Variants in MYO9B observed in about 807,000 individuals in gnomAD.
MYO9B encodes unconventional myosin-IXb.
In MYO9B, 71 loss-of-function variants were observed where a neutral mutation model predicts 229.5. The ratio of observed to expected loss-of-function variants is 0.31; its 90% CI spans 0.26 to 0.38. The LOEUF is 0.38. Among genes scored for constraint, MYO9B ranks in the 10% least tolerant of loss-of-function variants. The probability of loss-of-function intolerance (pLI) is 1.00; values close to 1 mark genes in which losing one functional copy is unlikely to be tolerated. For missense variants in MYO9B, 2,255 were observed against 2,920.5 expected (o/e 0.77, Z 5.25); for synonymous variants, 1,185 against 1,235.8 (o/e 0.96, Z 0.86).
chr19:17,108,578 G>A (rs2057815653), intron 2 of MYO9B, among the ~76,000 whole-genome samples: 1 of 150,608 alleles, frequency 6.6e-6, no homozygotes, highest in Admixed American at 6.6e-5. Flanking sequence ...GTTGTCCCCT[G>A]GGGACAAATC....
chr19:17,098,468 G>A (rs925590759), intron 1 of MYO9B, among the ~76,000 whole-genome samples: 3 of 152,078 alleles, frequency 2.0e-5, no homozygotes, highest in African/African-American at 7.2e-5. Flanking sequence ...CTACACTCAC[G>A]TCTGTTTGCA....
chr19:17,177,209 G>C (rs946000814), intron 14 of MYO9B, among the ~76,000 whole-genome samples: 6 of 151,448 alleles, frequency 4.0e-5, no homozygotes, highest in African/African-American at 9.7e-5. Context: ...TCAAAAAAAA[G>C]TTTTTGGAAT....
At chr19:17,114,670 G>A (rs1047746552) in intron 2 of MYO9B, among the ~76,000 whole-genome samples, 6 of 152,092 alleles carry the variant, frequency 3.9e-5, no homozygotes, top group African/African-American at 7.2e-5. Context: ...GAGGTTTGCC[G>A]GTTTTCTGAT....
rs2305766 is a variant in MYO9B, at chr19:17,200,633, C to G, written c.4373-6C>G. The G allele has an allele frequency of 0.41, 652,740 of 1,607,562 alleles. 140,873 individuals carry two copies. Among genetic ancestry groups the G allele is most frequent in the East Asian group, 0.75 (33,649 of 44,630 alleles). On this transcript the variant is annotated splice_region_variant and splice_polypyrimidine_tract_variant and intron_variant, in intron 25 of 39. Transcript: ENST00000682292. ...CCCTCACCGGCTGCTTCCTGTCCCC[C>G]CTCAGCCCCCTCCGGACAGCAGCAT...
intron 2 of MYO9B, among the ~76,000 whole-genome samples, chr19:17,102,906 CA>C (rs55723401): frequency 0.16 from 21,103 of 134,460 alleles, 1,742 homozygotes; most frequent in Non-Finnish European, 0.22. Flanking sequence ...GACTCCATCT[CA>C]AAAAAAAAAA....
At position 17,156,817 on chromosome 19, in the gene MYO9B, T is replaced by C. The variant is rs533930887; in HGVS notation, c.1200-92T>C. 3.5e-6 allele frequency: 5 copies of C among 1,435,872 alleles called. No homozygotes were observed. The East Asian group carries it at 7.1e-5, about 20-fold the overall frequency. The allele number at this position is 1,435,872 out of a possible 1,614,324, so 88.9% of individuals were successfully genotyped here. ...TTCATGCGTTCCGACCAGAATTTGC[T>C]GGTTTTATGGATTCAGCCCGGTTCC... On this transcript the variant is annotated intron_variant, in intron 6 of 39. Transcript: ENST00000682292.
In MYO9B at chr19:17,117,502, G is replaced by A. The variant is rs1264249985; in HGVS notation, c.840+14945G>A. Among the ~76,000 whole-genome samples the A allele has an allele frequency of 3.9e-5, 6 of 152,142 alleles. No homozygotes were observed. The East Asian group carries it at 1.2e-3, about 29-fold the overall frequency. ...CGACACGTGGTTCCTCCTGGTAAAA[G>A]AAAGAAAGGGATGACTTAGCAGTGG... On this transcript the variant is annotated intron_variant, in intron 2 of 39. Coordinates refer to ENST00000682292, the MANE Select transcript of MYO9B (RefSeq NM_004145.4).
chr19:17,163,282 C>T (rs1412934142), intron 10 of MYO9B, among the ~76,000 whole-genome samples, 160 bp downstream of exon 10: 1 of 151,828 alleles, frequency 6.6e-6, no homozygotes, highest in East Asian at 1.9e-4. Context: ...ATCTCCAGAA[C>T]TCTTTCATTT....
chr19:17,173,011 G>T, intron 13 of MYO9B, 48 bp downstream of exon 13: 1 of 1,577,962 alleles, frequency 6.3e-7, no homozygotes. Context: ...TCGAGAGGGG[G>T]GCACATCCTG....
intron 2 of MYO9B, among the ~76,000 whole-genome samples, chr19:17,113,131 T>C (rs1370154498): frequency 6.6e-6 from 1 of 152,070 alleles, no homozygotes; most frequent in East Asian, 1.9e-4. Flanking sequence ...CTGGCTTGAG[T>C]TGTGTCTATG....
At chr19:17,140,091 T>C (rs1185662814) in intron 2 of MYO9B, among the ~76,000 whole-genome samples, 1 of 151,280 alleles carries the variant, frequency 6.6e-6, no homozygotes, top group Non-Finnish European at 1.5e-5. Flanking sequence ...GGTGGATGGA[T>C]GGATGCATGG....
At chr19:17,146,600 G>A (rs2072414509) in intron 3 of MYO9B, among the ~76,000 whole-genome samples, 1 of 152,126 alleles carries the variant, frequency 6.6e-6, no homozygotes, top group East Asian at 1.9e-4. Context: ...CATGGATGGA[G>A]AGATACATGG....
At chr19:17,133,952 G>A (rs1279327535) in intron 2 of MYO9B, among the ~76,000 whole-genome samples, 5 of 151,972 alleles carry the variant, frequency 3.3e-5, no homozygotes. Flanking sequence ...TAGTAGAGAC[G>A]GGGTTTCACC....
intron 1 of MYO9B, among the ~76,000 whole-genome samples, chr19:17,082,825 C>G (rs78081588): frequency 0.014 from 2,057 of 152,102 alleles, 23 homozygotes; most frequent in Non-Finnish European, 0.018. Context: ...CATGATTTAG[C>G]AGGGAAGGGA....
chr19:17,179,420 A>ATTTTTTTTTTTT (rs747998068), intron 14 of MYO9B, among the ~76,000 whole-genome samples: 1 of 86,668 alleles, frequency 1.2e-5, no homozygotes. Context: ...GCCCCAACTG[A>ATTTTTTTTTTTT]TTTTTTTTTT....
intron 14 of MYO9B, 142 bp downstream of exon 14, chr19:17,175,883 A>AGTGCAATG: frequency 4.7e-6 from 3 of 640,340 alleles, no homozygotes; most frequent in Non-Finnish European, 7.4e-6. Context: ...CCCAGGCTGG[A>AGTGCAATG]GTGCAATGGC....
intron 2 of MYO9B, among the ~76,000 whole-genome samples, chr19:17,116,197 C>T (rs1473533343): frequency 1.3e-5 from 2 of 152,334 alleles, no homozygotes; most frequent in East Asian, 3.9e-4. Context: ...TCGCGTGCAT[C>T]CTGCCTGCAG....
At chr19:17,088,954 A>T (rs1464381672) in intron 1 of MYO9B, among the ~76,000 whole-genome samples, 1 of 152,180 alleles carries the variant, frequency 6.6e-6, no homozygotes, top group African/African-American at 2.4e-5. Flanking sequence ...CTAGGATTAC[A>T]GGAATAAGCC....
intron 11 of MYO9B, among the ~76,000 whole-genome samples, chr19:17,172,000 C>G (rs79454949): frequency 6.6e-6 from 1 of 152,126 alleles, no homozygotes; most frequent in Non-Finnish European, 1.5e-5. Flanking sequence ...CACCCTCAGC[C>G]TCCTTGTACC....
Sources: gnomAD v4.1 joint callset for allele counts (sites outside exome capture counted in the v4.1 genomes callset) on GRCh38, gnomAD v4.1.1 for gene constraint, MANE v1.5 for transcripts, NCBI Gene and HGNC (gene_info 2026-07-23, HGNC 2026-07-21) for gene names.